The following STS variants were observed in gnomAD, a reference collection of about 807,000 sequenced individuals.
STS encodes the protein steryl-sulfatase.
In STS, 7 loss-of-function variants were observed where a neutral mutation model predicts 26.8. The observed-to-expected ratio is 0.26, with a 90% CI of 0.15 to 0.49. STS has a LOEUF of 0.49. STS is among the 20% of genes least tolerant of loss of function. STS has a pLI of 0.98. For synonymous variants in STS, 199 were observed against 189.4 expected (o/e 1.05, Z -0.42); for missense variants, 434 against 465.6 (o/e 0.93, Z 0.63).
At chrX:7,255,168 T>C (rs1923347757) in intron 3 of STS, among the ~76,000 whole-genome samples, 2 of 112,205 alleles carry the variant, frequency 1.8e-5, no homozygotes, top group South Asian at 7.4e-4. Flanking sequence ...TTTTTAAGAG[T>C]ATATTGACTT....
In STS at chrX:7,227,620, C is replaced by G. The variant is rs759312761; in HGVS notation, c.-4-25576C>G. ...TTAGGCCAAGTTTCCAAGCAAAAGT[C>G]TTAGAATAGACATAAAGATGTGAAA... is the stretch of plus-strand genomic sequence containing the variant. On this transcript the variant is annotated intron_variant, in intron 2 of 10. Transcript: ENST00000674429. Among the ~76,000 whole-genome samples, 7 of 111,089 alleles carry G rather than the reference C, an allele frequency of 6.3e-5. No homozygotes were observed. The East Asian group carries it at 2.0e-3, about 31-fold the overall frequency.
chrX:7,158,658 G>A (rs1403360473), intron 1 of STS, among the ~76,000 whole-genome samples: 1 of 111,787 alleles, frequency 8.9e-6, no homozygotes, highest in Admixed American at 9.5e-5. Context: ...AAGCTTCCCC[G>A]TGTGTGCCCT....
chrX:7,204,976 T>G (rs760862924), intron 2 of STS, among the ~76,000 whole-genome samples: 2 of 111,463 alleles, frequency 1.8e-5, no homozygotes, highest in South Asian at 3.8e-4. Context: ...TAGTCATGAT[T>G]GTTTTGCTGA....
rs1602856948 is a variant in STS at position 7,147,847 on chromosome X, C to A, written c.-370C>A. 1 of 162,229 alleles carries A rather than the reference C, an allele frequency of 6.2e-6. No homozygotes were observed. Among genetic ancestry groups the A allele is most frequent in the Admixed American group, 8.4e-5 (1 of 11,863 alleles). 13.4% of individuals were successfully genotyped at this position (162,229 alleles called of 1,213,427 possible). A position where few individuals can be genotyped will look rare whatever the true frequency, so the allele number is the denominator to read the frequency against. ...CGCGTAGACGCCGCGGCCACGCGCG[C>A]CCGCCAGCCCGGACATGGGCCCGCG... On this transcript the variant is annotated 5_prime_UTR_variant, in exon 1 of 11. Coordinates refer to ENST00000674429, the MANE Select transcript of STS (RefSeq NM_001320752.2).
At chrX:7,323,153 A>T (rs1383993616) in intron 8 of STS, among the ~76,000 whole-genome samples, 1 of 111,915 alleles carries the variant, frequency 8.9e-6, no homozygotes, top group East Asian at 2.8e-4. Context: ...TCTCAAGTGC[A>T]AAGGGCTGGT....
intron 9 of STS, among the ~76,000 whole-genome samples, chrX:7,330,937 G>T (rs1387518438): frequency 1.1e-4 from 12 of 112,136 alleles, no homozygotes; most frequent in African/African-American, 3.9e-4. Flanking sequence ...CCTTAACTAT[G>T]ACTGTCTACA....
chrX:7,250,038 C>T (rs1466864884), intron 2 of STS, among the ~76,000 whole-genome samples: 1 of 110,919 alleles, frequency 9.0e-6, no homozygotes, highest in African/African-American at 3.3e-5. Flanking sequence ...AGCAATTCTC[C>T]TGCCTCAGCC....
intron 2 of STS, among the ~76,000 whole-genome samples, chrX:7,205,826 G>C (rs1221545703): frequency 9.2e-6 from 1 of 108,508 alleles, no homozygotes; most frequent in African/African-American, 3.4e-5. Flanking sequence ...ATATTGCCCA[G>C]TCTGGTCTGG....
chrX:7,176,793 A>G (rs758244053), intron 1 of STS, among the ~76,000 whole-genome samples: 2 of 111,375 alleles, frequency 1.8e-5, no homozygotes, highest in Admixed American at 9.6e-5. Context: ...AGTACCTCCC[A>G]CCAGGTTACT....
At chrX:7,324,685 A>C (rs1927296643) in intron 8 of STS, among the ~76,000 whole-genome samples, 1 of 111,429 alleles carries the variant, frequency 9.0e-6, no homozygotes, top group African/African-American at 3.3e-5. Flanking sequence ...GGGTAAAATG[A>C]GGCATGTCCA....
At chrX:7,283,260 C>T (rs1924962429) in intron 7 of STS, among the ~76,000 whole-genome samples, 1 of 111,573 alleles carries the variant, frequency 9.0e-6, no homozygotes, top group Non-Finnish European at 1.9e-5. Flanking sequence ...AGGAAGGTCA[C>T]GGCAGAAAGA....
intron 6 of STS, among the ~76,000 whole-genome samples, chrX:7,261,497 A>G (rs1251665513): frequency 8.9e-6 from 1 of 111,892 alleles, no homozygotes; most frequent in Non-Finnish European, 1.9e-5. Flanking sequence ...GGCTGGTGAG[A>G]AAGGTAAAAG....
chrX:7,220,428 C>T (rs1244190468), intron 2 of STS, among the ~76,000 whole-genome samples: 3 of 110,667 alleles, frequency 2.7e-5, no homozygotes, highest in Admixed American at 9.7e-5. Flanking sequence ...GAGACAATGG[C>T]TAAATCCTTT....
At chrX:7,346,529 C>T (rs1357849892) in intron 10 of STS, among the ~76,000 whole-genome samples, 2 of 108,771 alleles carry the variant, frequency 1.8e-5, no homozygotes, top group African/African-American at 6.7e-5. Flanking sequence ...TTAATCATTC[C>T]TTTTCCAGGT....
chrX:7,261,867 G>A (rs1923765491), intron 6 of STS, among the ~76,000 whole-genome samples: 1 of 112,440 alleles, frequency 8.9e-6, no homozygotes, highest in African/African-American at 3.2e-5. Flanking sequence ...GCAATTGATA[G>A]TATCACTTCC....
chrX:7,233,301 C>T (rs767774290), intron 2 of STS, among the ~76,000 whole-genome samples: 21 of 109,728 alleles, frequency 1.9e-4, no homozygotes, highest in Admixed American at 1.3e-3. Flanking sequence ...ACCATGTTGG[C>T]CAGGCTGGTC....
chrX:7,341,797 T>G (rs1314275679), intron 10 of STS, among the ~76,000 whole-genome samples: 1 of 110,827 alleles, frequency 9.0e-6, no homozygotes, highest in African/African-American at 3.3e-5. Flanking sequence ...CATCTCTTTT[T>G]TTTTTTAAAT....
chrX:7,324,713 T>C (rs1234802561), intron 8 of STS, among the ~76,000 whole-genome samples: 1 of 111,554 alleles, frequency 9.0e-6, no homozygotes, highest in East Asian at 2.8e-4. Context: ...GTTTCCATCA[T>C]GGACTGAACT....
chrX:7,185,146 C>T (rs760391841), intron 1 of STS, among the ~76,000 whole-genome samples: 1 of 111,945 alleles, frequency 8.9e-6, no homozygotes, highest in Non-Finnish European at 1.9e-5. Context: ...CTTTAAAAGA[C>T]TTCTCCCATT....
Sources: allele counts gnomAD v4.1 joint callset (sites outside exome capture counted in the v4.1 genomes callset), GRCh38; gene constraint gnomAD v4.1.1; transcripts MANE v1.5; gene names NCBI Gene and HGNC (gene_info 2026-07-23, HGNC 2026-07-21).